HUNK: variants seen among roughly 807,000 people sequenced by gnomAD.
The protein encoded by HUNK is hormonally up-regulated neu tumor-associated kinase.
Under a neutral mutation model 61.0 loss-of-function variants are expected in HUNK, and 21 were observed. The ratio of observed to expected loss-of-function variants is 0.34; its 90% CI spans 0.24 to 0.50. The LOEUF (loss-of-function observed/expected upper bound fraction) is 0.50, where lower values mean the gene tolerates loss of function less well. Among genes scored for constraint, HUNK ranks in the 20% least tolerant of loss-of-function variants. HUNK has a pLI of 0.98. For missense variants in HUNK, 772 were observed against 945.7 expected, an observed-to-expected ratio of 0.82 and a Z score of 2.41; for synonymous variants, 371 against 386.1, an observed-to-expected ratio of 0.96 and a Z score of 0.46.
intron 4 of HUNK, among the ~76,000 whole-genome samples, chr21:31,950,846 G>A (rs2052844578): frequency 1.3e-5 from 2 of 152,250 alleles, no homozygotes; most frequent in Non-Finnish European, 2.9e-5. Context: ...AACAAAAACA[G>A]AATGAAGAGT....
chr21:31,888,609 G>A (rs764235507), intron 1 of HUNK, among the ~76,000 whole-genome samples: 2 of 152,006 alleles, frequency 1.3e-5, no homozygotes, highest in South Asian at 2.1e-4. Context: ...GCATGGTGGC[G>A]CATGCCTGTA....
intron 1 of HUNK, among the ~76,000 whole-genome samples, chr21:31,902,701 C>T (rs1253765252): frequency 6.6e-6 from 1 of 152,030 alleles, no homozygotes; most frequent in South Asian, 2.1e-4. Flanking sequence ...AGAGAAATGG[C>T]GATTGTCCAA....
intron 4 of HUNK, among the ~76,000 whole-genome samples, chr21:31,957,926 C>T (rs902214570): frequency 2.0e-5 from 3 of 152,156 alleles, no homozygotes; most frequent in Admixed American, 6.5e-5. Flanking sequence ...TATGAGGCTT[C>T]GTTTCTGAGG....
At chr21:31,900,479 A>ACACACACACACACACACACACACACAC (rs57151018) in intron 1 of HUNK, among the ~76,000 whole-genome samples, 1 of 151,480 alleles carries the variant, frequency 6.6e-6, no homozygotes, top group African/African-American at 2.4e-5. Flanking sequence ...ACACACACAC[A>ACACACACACACACACACACACACACAC]AACTCTACTG....
At chr21:31,972,026 T>TC (rs2053015287) in intron 6 of HUNK, among the ~76,000 whole-genome samples, 1 of 151,934 alleles carries the variant, frequency 6.6e-6, no homozygotes. Flanking sequence ...AGATGGGGGT[T>TC]TTTCTGTGTT....
intron 2 of HUNK, among the ~76,000 whole-genome samples, chr21:31,937,596 C>T (rs575375109): frequency 1.3e-5 from 2 of 152,328 alleles, no homozygotes; most frequent in Non-Finnish European, 2.9e-5. Flanking sequence ...CTCAAAAAGT[C>T]ATCCTGGTTC....
chr21:31,904,031 TAGTTAC>T (rs1373648931), intron 1 of HUNK, among the ~76,000 whole-genome samples: 2 of 152,054 alleles, frequency 1.3e-5, no homozygotes, highest in African/African-American at 4.8e-5. Context: ...TCTCATCCAG[TAGTTAC>T]AGTTACTGCA....
chr21:31,939,610 G>A (rs2052755783), intron 2 of HUNK, among the ~76,000 whole-genome samples: 1 of 151,506 alleles, frequency 6.6e-6, no homozygotes, highest in African/African-American at 2.4e-5. Context: ...GTTTCTCCAT[G>A]TTAGTCAGGC....
intron 3 of HUNK, among the ~76,000 whole-genome samples, chr21:31,945,810 C>T (rs372902400): frequency 3.0e-4 from 45 of 152,222 alleles, no homozygotes; most frequent in Non-Finnish European, 5.4e-4. Context: ...CAGTGAGGCC[C>T]GATGTCAAAT....
chr21:32,003,254 T>C lies in HUNK; in HGVS notation c.*4070T>C, dbSNP rs143502988. 5.3e-5 allele frequency: 8 copies of C among 152,322 alleles called. No homozygotes were observed. The East Asian group carries it at 1.3e-3, about 26-fold the overall frequency. 9.4% of individuals were successfully genotyped at this position (152,322 alleles called of 1,614,324 possible). ...AAACTGTGCAGCTTCCTGAACCTTATGCTGTTTGTCCCATCCACTCTTGAA... is the reference window on the plus strand; with the variant it reads ...AAACTGTGCAGCTTCCTGAACCTTACGCTGTTTGTCCCATCCACTCTTGAA... On this transcript the variant is annotated 3_prime_UTR_variant, in exon 11 of 11. Coordinates refer to ENST00000270112, the MANE Select transcript of HUNK (RefSeq NM_014586.2).
chr21:31,912,360 G>A (rs953651642), intron 1 of HUNK, among the ~76,000 whole-genome samples: 1 of 152,202 alleles, frequency 6.6e-6, no homozygotes, highest in African/African-American at 2.4e-5. Flanking sequence ...GGAGCCAAAA[G>A]GGCTGATCCC....
chr21:31,978,844 C>A (rs1164351870), intron 7 of HUNK, among the ~76,000 whole-genome samples: 2 of 152,012 alleles, frequency 1.3e-5, no homozygotes, highest in African/African-American at 4.8e-5. Flanking sequence ...TGAATATAGA[C>A]CCAGAAGTGG....
At chr21:31,942,782 T>C (rs2052777555) in intron 3 of HUNK, among the ~76,000 whole-genome samples, 3 of 152,174 alleles carry the variant, frequency 2.0e-5, no homozygotes. Context: ...GCAGTGACCA[T>C]TGGATTTCCC....
At chr21:31,903,924 C>T (rs2052487253) in intron 1 of HUNK, among the ~76,000 whole-genome samples, 1 of 152,140 alleles carries the variant, frequency 6.6e-6, no homozygotes, top group Non-Finnish European at 1.5e-5. Flanking sequence ...TTTCTGATAG[C>T]TGATTTAGAT....
chr21:31,992,500 C>T (rs1199184220), intron 9 of HUNK, among the ~76,000 whole-genome samples: 1 of 152,198 alleles, frequency 6.6e-6, no homozygotes, highest in Non-Finnish European at 1.5e-5. Context: ...TTTCTCTGAT[C>T]TGCCTTGGGG....
chr21:31,959,086 T>C (rs1050506290), intron 5 of HUNK, 116 bp downstream of exon 5: 51 of 1,105,412 alleles, frequency 4.6e-5, no homozygotes, highest in Non-Finnish European at 6.2e-5. Context: ...CCCATGGTTA[T>C]AAGTTTCTTT....
rs1568940203 is a variant in HUNK at position 31,979,512 on chromosome 21, A to ATTTTTT, written c.1174-4012_1174-4011insTTTTTT. On this transcript the variant is annotated intron_variant, in intron 7 of 10. Transcript: ENST00000270112. ...GTTTTCTGGCTATTGAGTTGTTTGC[A>ATTTTTT]TTCTTTTTTTTTTTTTTTTTTTTTT... 7.0e-5 allele frequency among the ~76,000 whole-genome samples: 7 copies of ATTTTTT among 99,508 alleles called. 2 individuals are homozygous for ATTTTTT. The highest frequency in any genetic ancestry group is 1.2e-4 in the Non-Finnish European group (6 of 50,740). 65.3% of individuals were successfully genotyped at this position (99,508 alleles called of 152,430 possible).
At chr21:31,949,312 T>C (rs947987662) in intron 4 of HUNK, among the ~76,000 whole-genome samples, 1 of 152,108 alleles carries the variant, frequency 6.6e-6, no homozygotes, top group African/African-American at 2.4e-5. Flanking sequence ...GTCATAGACT[T>C]CACTTCTGAG....
chr21:31,960,432 G>A (rs918791159), intron 5 of HUNK, among the ~76,000 whole-genome samples: 1 of 150,568 alleles, frequency 6.6e-6, no homozygotes, highest in Non-Finnish European at 1.5e-5. Flanking sequence ...TCATTGTGAT[G>A]TAATTGTAGA....
Sources: allele counts gnomAD v4.1 joint callset (sites outside exome capture counted in the v4.1 genomes callset), GRCh38; gene constraint gnomAD v4.1.1; transcripts MANE v1.5; gene names NCBI Gene and HGNC (gene_info 2026-07-23, HGNC 2026-07-21).